Variants in ITGA9 observed in about 807,000 individuals in gnomAD.
ITGA9 encodes the protein integrin alpha-9.
In ITGA9, 56 loss-of-function variants were observed where a neutral mutation model predicts 127.8. That is an observed-to-expected ratio of 0.44 (90% CI 0.35 to 0.55). ITGA9 has a LOEUF of 0.55. Ranked by LOEUF, ITGA9 falls within the 20% of genes least tolerant of loss-of-function variation. The pLI, the probability that ITGA9 is intolerant of heterozygous loss-of-function variation, is 0.00. For missense variants in ITGA9, 1,196 were observed against 1,347.1 expected (o/e 0.89, Z 1.76); for synonymous variants, 508 against 514.5 (o/e 0.99, Z 0.17).
intron 15 of ITGA9, among the ~76,000 whole-genome samples, chr3:37,560,772 C>T (rs1240354387): frequency 6.6e-6 from 1 of 152,126 alleles, no homozygotes; most frequent in Non-Finnish European, 1.5e-5. Context: ...ATTTCAATAA[C>T]ATATATCAGT....
At chr3:37,482,464 A>C (rs185214118) in intron 4 of ITGA9, among the ~76,000 whole-genome samples, 1 of 152,308 alleles carries the variant, frequency 6.6e-6, no homozygotes, top group East Asian at 1.9e-4. Flanking sequence ...CGTAGTTTCA[A>C]GTTTTCTCAG....
intron 11 of ITGA9, 25 bp from the exon 12 acceptor site, chr3:37,523,496 T>C: frequency 6.3e-7 from 1 of 1,577,396 alleles, no homozygotes; most frequent in Middle Eastern, 1.7e-4. Context: ...TTCCTGTGAC[T>C]CCATTTCCCT....
chr3:37,629,262 G>C lies in ITGA9; in HGVS notation c.1765G>C (p.Glu589Gln). ...CCTCAGTGAGCATGTGACTGGAGAG[G>C]AGGAGAGGGAACTGCCGCCTCTGAC... Reference protein sequence around the residue: ...YSLSEHVTGEEERELPPLTPV... With the variant: ...YSLSEHVTGEQERELPPLTPV... The change falls in exon 16 of 28, where the codon GAG becomes CAG. Residue 589 changes from glutamate to glutamine, a missense_variant. Transcript: ENST00000264741. This position sits in a 1 kb window ranked among gnomAD's most constrained non-coding sequence, Gnocchi z 4.5. 6.2e-7 allele frequency: 1 copy of C among 1,614,056 alleles called. No individual in the cohort carries two copies. Among genetic ancestry groups the C allele is most frequent in the Non-Finnish European group, 8.5e-7 (1 of 1,180,022 alleles).
At chr3:37,765,248 T>G (rs981994864) in intron 23 of ITGA9, among the ~76,000 whole-genome samples, 6 of 152,070 alleles carry the variant, frequency 3.9e-5, no homozygotes, top group African/African-American at 7.2e-5. Context: ...ACAAATTCCT[T>G]TAACCCATGG....
At chr3:37,456,638 A>G (rs996459511) in intron 1 of ITGA9, among the ~76,000 whole-genome samples, 5 of 152,206 alleles carry the variant, frequency 3.3e-5, no homozygotes, top group African/African-American at 7.2e-5. Context: ...GGACACATCA[A>G]GACGGCTGTG....
At chr3:37,494,438 C>T (rs1034877134) in intron 4 of ITGA9, 63 bp from the exon 5 acceptor site, 7 of 1,224,328 alleles carry the variant, frequency 5.7e-6, no homozygotes, top group Middle Eastern at 1.9e-4. Flanking sequence ...CTGCTGGCTC[C>T]ACGCACAGCT....
rs1242319887 is a variant in ITGA9 at position 37,576,787 on chromosome 3, G to A, written c.1689+34202G>A. The stretch of plus-strand genomic sequence containing the variant: ...GCCTGCCTAATTTTTTGCATTTTTT[G>A]CAGAGGCAGGGGTTTCGCCATGTTG... On this transcript the variant is annotated intron_variant, in intron 15 of 27. Transcript: ENST00000264741. Among the ~76,000 whole-genome samples, 5 of 152,248 alleles carry A rather than the reference G, an allele frequency of 3.3e-5. 1 individual carries two copies. The highest frequency in any genetic ancestry group is 3.4e-3 in the Middle Eastern group (1 of 294).
At chr3:37,643,036 G>A (rs1298126678) in intron 16 of ITGA9, among the ~76,000 whole-genome samples, 2 of 152,218 alleles carry the variant, frequency 1.3e-5, no homozygotes, top group Non-Finnish European at 2.9e-5. Context: ...GAGGGTGGGA[G>A]AGTAGAAGAG....
At chr3:37,800,568 G>A (rs892932502) in intron 26 of ITGA9, among the ~76,000 whole-genome samples, 73 of 152,272 alleles carry the variant, frequency 4.8e-4, no homozygotes, top group African/African-American at 1.7e-3. Flanking sequence ...AAAGACATGA[G>A]TCTGTCTGCC....
At chr3:37,711,870 C>T (rs574152330) in intron 18 of ITGA9, among the ~76,000 whole-genome samples, 43 of 152,282 alleles carry the variant, frequency 2.8e-4, no homozygotes, top group African/African-American at 8.9e-4. Flanking sequence ...CTCCAGAGTC[C>T]AGCAGCTGCA....
At chr3:37,759,229 C>CA (rs1030026077) in intron 23 of ITGA9, among the ~76,000 whole-genome samples, 22 of 149,402 alleles carry the variant, frequency 1.5e-4, no homozygotes, top group Admixed American at 7.3e-4. Context: ...ACAAACAAAA[C>CA]AAAAAAAAAG....
intron 23 of ITGA9, among the ~76,000 whole-genome samples, chr3:37,770,087 C>G (rs1696825174): frequency 6.6e-6 from 1 of 152,174 alleles, no homozygotes; most frequent in African/African-American, 2.4e-5. Context: ...TAAAGCTTAT[C>G]TGTCACATCC....
intron 13 of ITGA9, among the ~76,000 whole-genome samples, chr3:37,530,192 A>G (rs1699135540): frequency 6.6e-6 from 1 of 152,228 alleles, no homozygotes; most frequent in Admixed American, 6.5e-5. Context: ...AGCCGTTGAT[A>G]AAGTCCCAGG....
chr3:37,724,709 G>A (rs1197106657), intron 18 of ITGA9, among the ~76,000 whole-genome samples: 1 of 152,058 alleles, frequency 6.6e-6, no homozygotes, highest in Non-Finnish European at 1.5e-5. Flanking sequence ...TGTTGGCCAG[G>A]CTGGTCTCAA....
At chr3:37,574,537 C>T (rs1699634460) in intron 15 of ITGA9, among the ~76,000 whole-genome samples, 2 of 152,214 alleles carry the variant, frequency 1.3e-5, no homozygotes, top group South Asian at 4.1e-4. Context: ...GAAATTAAAA[C>T]TTATGGTTTT....
chr3:37,580,570 TG>T (rs1441442775), intron 15 of ITGA9, among the ~76,000 whole-genome samples: 2 of 152,204 alleles, frequency 1.3e-5, no homozygotes, highest in African/African-American at 4.8e-5. Flanking sequence ...CCACAGCAGA[TG>T]GAAGTTTGAG....
intron 12 of ITGA9, among the ~76,000 whole-genome samples, chr3:37,525,003 A>G (rs1222650036): frequency 2.6e-5 from 4 of 152,230 alleles, no homozygotes; most frequent in South Asian, 2.1e-4. Flanking sequence ...TGGATTTGCC[A>G]TTTGTTTTTC....
At chr3:37,478,669 A>AT (rs1157916662) in intron 3 of ITGA9, among the ~76,000 whole-genome samples, 1 of 152,176 alleles carries the variant, frequency 6.6e-6, no homozygotes, top group African/African-American at 2.4e-5. Context: ...GTCCCTAGGA[A>AT]TTTTTTTAAA....
chr3:37,810,814 C>T (rs1697360032), intron 27 of ITGA9, among the ~76,000 whole-genome samples: 1 of 152,248 alleles, frequency 6.6e-6, no homozygotes, highest in Non-Finnish European at 1.5e-5. Context: ...CCACCAGCCC[C>T]TGGCCCCACC....
Sources: allele counts gnomAD v4.1 joint callset (sites outside exome capture counted in the v4.1 genomes callset), GRCh38; gene constraint gnomAD v4.1.1; non-coding constraint Gnocchi (gnomAD v3.1); transcripts MANE v1.5; gene names NCBI Gene and HGNC (gene_info 2026-07-23, HGNC 2026-07-21).